DARS2: variants seen among roughly 807,000 people sequenced by gnomAD.
DARS2 encodes aspartyl-tRNA synthetase 2, mitochondrial.
DARS2 carries 63 observed loss-of-function variants against 83.0 expected under a neutral mutation model. The observed-to-expected ratio is 0.76, with a 90% CI of 0.62 to 0.94. The LOEUF (loss-of-function observed/expected upper bound fraction) is 0.94, where lower values mean the gene tolerates loss of function less well. Among genes scored for constraint, DARS2 ranks in the 40% least tolerant of loss-of-function variants. The probability of loss-of-function intolerance (pLI) is 0.00; values close to 1 mark genes in which losing one functional copy is unlikely to be tolerated. For missense variants in DARS2, 675 were observed against 774.4 expected (o/e 0.87, Z 1.52); for synonymous variants, 250 against 269.3 (o/e 0.93, Z 0.70).
chr1:173,846,535 G>A (rs1653443076), intron 12 of DARS2, among the ~76,000 whole-genome samples: 1 of 151,506 alleles, frequency 6.6e-6, no homozygotes. Flanking sequence ...GCGCATACCT[G>A]TAATCCCAGC....
chr1:173,835,559 A>G (rs1001713294), intron 7 of DARS2, among the ~76,000 whole-genome samples: 20 of 151,908 alleles, frequency 1.3e-4, no homozygotes, highest in Admixed American at 7.2e-4. Flanking sequence ...TAAAGAAAAA[A>G]AAATGGAAAA....
rs372456931 is a variant in DARS2, at chr1:173,842,724, G to A, written c.1128+1751G>A. Reference sequence around the variant, plus strand: ...AGGCCAAGGCGGGTGGATTACTTGCGGTCAGGAGTTTGAGACCAGCCTGGC... The same window carrying A: ...AGGCCAAGGCGGGTGGATTACTTGCAGTCAGGAGTTTGAGACCAGCCTGGC... On this transcript the variant is annotated intron_variant, in intron 11 of 16. Coordinates refer to ENST00000649689, the MANE Select transcript of DARS2 (RefSeq NM_018122.5). 2.0e-3 allele frequency among the ~76,000 whole-genome samples: 298 copies of A among 151,388 alleles called. 1 individual carries two copies. The highest frequency in any genetic ancestry group is 6.7e-3 in the African/African-American group (278 of 41,392).
At chr1:173,831,080 C>A (rs1028366328) in intron 4 of DARS2, among the ~76,000 whole-genome samples, 1 of 152,092 alleles carries the variant, frequency 6.6e-6, no homozygotes, top group South Asian at 2.1e-4. Context: ...CCACGCCCAG[C>A]TAATTTTTAT....
intron 15 of DARS2, among the ~76,000 whole-genome samples, chr1:173,856,079 C>T (rs1278412921): frequency 1.3e-5 from 2 of 152,056 alleles, no homozygotes; most frequent in Non-Finnish European, 1.5e-5. Flanking sequence ...CACATCAGAC[C>T]AACTGAATAA....
chr1:173,846,879 G>T (rs1412041118), intron 12 of DARS2, among the ~76,000 whole-genome samples: 1 of 151,970 alleles, frequency 6.6e-6, no homozygotes, highest in Non-Finnish European at 1.5e-5. Context: ...TATAATCAAA[G>T]GAATTAATAT....
At chr1:173,853,751 A>G in intron 14 of DARS2, 44 bp from the exon 15 acceptor site, 2 of 1,580,928 alleles carry the variant, frequency 1.3e-6, no homozygotes, top group South Asian at 2.2e-5. Context: ...TAGAACAGAA[A>G]ACCAGACATT....
rs1366700431 is a variant in DARS2 at position 173,831,607 on chromosome 1, T to A, written c.469T>A (p.Phe157Ile). 4.3e-6 allele frequency: 7 copies of A among 1,613,860 alleles called. No individual in the cohort carries two copies. The African/African-American group carries it at 8.0e-5, about 18-fold the overall frequency. Residue 157 changes from phenylalanine to isoleucine, a missense_variant, in exon 5 of 17, where the codon TTT (phenylalanine) becomes ATT (isoleucine). By Grantham distance (21) the Phe-to-Ile change is conservative. Coordinates refer to ENST00000649689, the MANE Select transcript of DARS2 (RefSeq NM_018122.5). ...ELLNACKKLP[F>I]EIKNFVKKTE... ...TCTGAATGCCTGCAAGAAGCTGCCC[T>A]TTGAAATTAAGAACTTCGTGAAGGT...
chr1:173,857,529 C>A lies in DARS2; in HGVS notation c.1762C>A (p.Leu588Met), dbSNP rs972404343. The stretch of plus-strand genomic sequence containing the variant: ...TATTTTACTCACAGGGTTAGACAGA[C>A]TGATATGCCTTGTCACTGGATCTCC... ...HGGIALGLDR[L>M]ICLVTGSPSI... Residue 588 changes from leucine to methionine, a missense_variant, in exon 17 of 17, where the codon CTG becomes ATG. Leu to Met is a conservative substitution (Grantham distance 15, BLOSUM62 2). Coordinates refer to ENST00000649689, the MANE Select transcript of DARS2 (RefSeq NM_018122.5). 1 of 1,613,948 alleles carries A rather than the reference C, an allele frequency of 6.2e-7. No homozygotes were observed. The highest frequency in any genetic ancestry group is 1.3e-5 in the African/African-American group (1 of 74,928).
chr1:173,857,289 T>G (rs560708502), intron 16 of DARS2, among the ~76,000 whole-genome samples: 28 of 152,284 alleles, frequency 1.8e-4, no homozygotes, highest in African/African-American at 6.7e-4. Context: ...CTAATCGCTG[T>G]GACAATCCAA....
intron 5 of DARS2, 23 bp from the exon 6 acceptor site, chr1:173,833,353 T>TA: frequency 6.5e-7 from 1 of 1,529,358 alleles, no homozygotes; most frequent in Non-Finnish European, 8.8e-7. Flanking sequence ...TATTTAAATA[T>TA]AAAAATCTTT....
intron 15 of DARS2, among the ~76,000 whole-genome samples, chr1:173,855,281 T>C (rs987961283): frequency 2.6e-5 from 4 of 152,068 alleles, no homozygotes; most frequent in East Asian, 3.9e-4. Flanking sequence ...TTTGTATTTT[T>C]AGTAGAGACA....
intron 15 of DARS2, 31 bp downstream of exon 15, chr1:173,853,936 AT>A: frequency 1.3e-6 from 2 of 1,546,350 alleles, no homozygotes; most frequent in Non-Finnish European, 1.8e-6. Context: ...TCCTGGGCTT[AT>A]TTTTTTACCA....
intron 15 of DARS2, 89 bp from the exon 16 acceptor site, chr1:173,856,577 T>C: frequency 8.3e-7 from 1 of 1,202,488 alleles, no homozygotes; most frequent in Admixed American, 1.8e-5. Flanking sequence ...AAAACTCAAC[T>C]TTGTTTCCCC....
At chr1:173,852,368 C>A in intron 13 of DARS2, 2 of 553,460 alleles carry the variant, frequency 3.6e-6, no homozygotes, top group Non-Finnish European at 4.6e-6. Context: ...AGTTCTGATA[C>A]TGTTGCTATT....
intron 15 of DARS2, among the ~76,000 whole-genome samples, chr1:173,856,117 T>C (rs939180750): frequency 8.5e-5 from 13 of 152,210 alleles, no homozygotes; most frequent in African/African-American, 3.1e-4. Context: ...GGCTTTGGCC[T>C]CTGTTTGTTT....
rs1453909644 is a variant in DARS2 at position 173,858,375 on chromosome 1, G to A, written c.*670G>A. 2 of 153,054 alleles carry A rather than the reference G, an allele frequency of 1.3e-5. No individual in the cohort carries two copies. Among genetic ancestry groups the A allele is most frequent in the African/African-American group, 4.8e-5 (2 of 41,396 alleles). The allele number at this position is 153,054 out of a possible 1,614,324, so 9.5% of individuals were successfully genotyped here. On this transcript the variant is annotated 3_prime_UTR_variant, in exon 17 of 17. Coordinates refer to ENST00000649689, the MANE Select transcript of DARS2 (RefSeq NM_018122.5). The stretch of plus-strand genomic sequence containing the variant: ...GGCTGTTATTGCTGGAATCAGAGGA[G>A]ATAACATATATGGAAGATAAAGTGA...
intron 15 of DARS2, among the ~76,000 whole-genome samples, chr1:173,855,428 A>G (rs1653823904): frequency 6.6e-6 from 1 of 151,898 alleles, no homozygotes; most frequent in African/African-American, 2.4e-5. Flanking sequence ...TCTCCTGCCA[A>G]TTCAAAGCCT....
intron 8 of DARS2, 110 bp from the exon 9 acceptor site, chr1:173,838,080 C>T (rs766782630): frequency 6.0e-5 from 54 of 904,610 alleles, no homozygotes; most frequent in South Asian, 9.7e-5. Context: ...GCCCTTCTTA[C>T]GTTTTTTAAG....
chr1:173,848,923 C>CT (rs374531708), intron 12 of DARS2, among the ~76,000 whole-genome samples: 1 of 152,094 alleles, frequency 6.6e-6, no homozygotes, highest in Admixed American at 6.5e-5. Context: ...AATTTAACCT[C>CT]TTTTCTTTTG....
Sources: allele counts gnomAD v4.1 joint callset (sites outside exome capture counted in the v4.1 genomes callset), GRCh38; gene constraint gnomAD v4.1.1; transcripts MANE v1.5; gene names NCBI Gene and HGNC (gene_info 2026-07-23, HGNC 2026-07-21).